MFGE8: variants seen among roughly 807,000 people sequenced by gnomAD.
The protein encoded by MFGE8 is milk fat globule EGF and factor V/VIII domain containing, also known as lactadherin.
MFGE8 carries 34 observed loss-of-function variants against 42.6 expected under a neutral mutation model. That is an observed-to-expected ratio of 0.80 (90% CI 0.61 to 1.06). MFGE8 has a LOEUF of 1.06. Among genes scored for constraint, MFGE8 ranks in the 50% least tolerant of loss-of-function variants. The pLI, the probability that MFGE8 is intolerant of heterozygous loss-of-function variation, is 0.00. For synonymous variants in MFGE8, 230 were observed against 214.8 expected, an observed-to-expected ratio of 1.07 and a Z score of -0.62; for missense variants, 510 against 516.9, an observed-to-expected ratio of 0.99 and a Z score of 0.13.
chr15:88,908,525 C>CT (rs1898805980), intron 2 of MFGE8, among the ~76,000 whole-genome samples: 1 of 152,182 alleles, frequency 6.6e-6, no homozygotes, highest in Admixed American at 6.5e-5. Flanking sequence ...GAAGGTCCCT[C>CT]TGAGGGCTTC....
intron 2 of MFGE8, among the ~76,000 whole-genome samples, chr15:88,908,981 C>T (rs1220808639): frequency 1.3e-5 from 2 of 152,198 alleles, no homozygotes; most frequent in Non-Finnish European, 1.5e-5. Flanking sequence ...CTGTCCCCTA[C>T]CCAAGATGCT....
intron 1 of MFGE8, among the ~76,000 whole-genome samples, chr15:88,911,316 ACT>A (rs1232944013): frequency 1.3e-5 from 2 of 152,082 alleles, no homozygotes; most frequent in East Asian, 3.9e-4. Flanking sequence ...CAATCCCTTG[ACT>A]CTGGTGGGTC....
At chr15:88,904,962 C>G (rs183515373) in intron 5 of MFGE8, 146 of 155,814 alleles carry the variant, frequency 9.4e-4, no homozygotes, top group Admixed American at 1.8e-3. Context: ...GAGAGAAATA[C>G]CCAGACCTCA....
intron 1 of MFGE8, chr15:88,912,646 G>T: frequency 2.0e-6 from 2 of 985,278 alleles, no homozygotes; most frequent in African/African-American, 3.5e-5. Context: ...GAGGGAGTCA[G>T]GAGACTCCCA....
rs3743389 is a variant in MFGE8 at position 88,905,649 on chromosome 15, T to C, written c.685+108A>G. The C allele has an allele frequency of 0.048, 72,578 of 1,498,572 alleles. 2,850 individuals are homozygous for C. Among genetic ancestry groups the C allele is most frequent in the East Asian group, 0.19 (8,387 of 44,044 alleles). The allele number at this position is 1,498,572 out of a possible 1,614,324, so 92.8% of individuals were successfully genotyped here. A position where few individuals can be genotyped will look rare whatever the true frequency, so the allele number is the denominator to read the frequency against. On this transcript the variant is annotated intron_variant, in intron 5 of 7. Coordinates refer to ENST00000268150, the MANE Select transcript of MFGE8 (RefSeq NM_005928.4). The surrounding 1 kb of genome is among the most constrained non-coding windows in gnomAD (Gnocchi z 6.6). Reference sequence around the variant, plus strand: ...CCGAGTGAAGCCTGGTCCCCGTGCCTTGTTGCTGCCCTACCTAGCTCAGTT... The same window carrying C: ...CCGAGTGAAGCCTGGTCCCCGTGCCCTGTTGCTGCCCTACCTAGCTCAGTT...
In MFGE8 at chr15:88,901,743, C is replaced by G; in HGVS notation, c.686-8G>C. ...CCAGGGGATTGGCGCATCCTGCCAG[C>G]AAGGTGGGCTGTCATCTGGATCTGG... is the stretch of plus-strand genomic sequence containing the variant. On this transcript the variant is annotated splice_region_variant and splice_polypyrimidine_tract_variant and intron_variant, in intron 5 of 7. Transcript: ENST00000268150. 1.2e-6 allele frequency: 2 copies of G among 1,613,884 alleles called. No homozygotes were observed. Among genetic ancestry groups the G allele is most frequent in the Non-Finnish European group, 1.7e-6 (2 of 1,179,942 alleles).
chr15:88,912,395 A>G, intron 1 of MFGE8: 1 of 985,180 alleles, frequency 1.0e-6, no homozygotes, highest in Non-Finnish European at 1.2e-6. Context: ...GGCAGATCAC[A>G]GGACATAGGG....
In MFGE8 at chr15:88,906,616, C is replaced by A. The variant is rs1190739567; in HGVS notation, c.540+10G>T. ...CCACAGCCCTTCTTTCGGGCCCCAA[C>A]AAGACCTACCTTGTGTTTTTTATTA... On this transcript the variant is annotated intron_variant, in intron 4 of 7. Transcript: ENST00000268150. This position sits in a 1 kb window ranked among gnomAD's most constrained non-coding sequence, Gnocchi z 4.2. 5.0e-6 allele frequency: 8 copies of A among 1,613,958 alleles called. No individual in the cohort carries two copies. In the South Asian group the frequency reaches 8.8e-5, roughly 18 times the overall value.
chr15:88,910,593 T>C (rs1365141046), intron 1 of MFGE8: 1 of 157,384 alleles, frequency 6.4e-6, no homozygotes, highest in Admixed American at 6.1e-5. Context: ...GAAGCCTGCA[T>C]GGACCGTCAC....
intron 6 of MFGE8, 59 bp downstream of exon 6, chr15:88,901,492 T>C: frequency 6.5e-7 from 1 of 1,532,632 alleles, no homozygotes; most frequent in South Asian, 1.1e-5. Context: ...GTCAAAGATC[T>C]GGCAGTCCCA....
intron 6 of MFGE8, among the ~76,000 whole-genome samples, chr15:88,901,336 TACAC>T (rs1312761218): frequency 2.2e-5 from 3 of 137,206 alleles, no homozygotes; most frequent in East Asian, 2.1e-4. Flanking sequence ...CACACACACA[TACAC>T]ACACACACCC....
In MFGE8 at chr15:88,899,940, T is replaced by C. The variant is rs1898282609; in HGVS notation, c.871-129A>G. On this transcript the variant is annotated intron_variant, in intron 6 of 7. Transcript: ENST00000268150. The surrounding 1 kb of genome is among the most constrained non-coding windows in gnomAD (Gnocchi z 6.8). ...TTGGGTGAGCCTCAGTTTCTTTGGC[T>C]ATAAAATGGGCATAAGGCCGGACAT... 1 of 1,126,388 alleles carries C rather than the reference T, an allele frequency of 8.9e-7. No homozygotes were observed. The allele number at this position is 1,126,388 out of a possible 1,614,324, so 69.8% of individuals were successfully genotyped here.
rs1433684651 is a variant in MFGE8 at position 88,899,766 on chromosome 15, C to T, written c.916G>A (p.Gly306Arg). The part of the protein sequence containing the change: ...SKEVTGIITQ[G>R]ARNFGSVQFV... ...TGGACAGAGCCAAAGTTACGGGCCC[C>T]CTGGGTGATGATGCCTGTCACCTCC... is the stretch of plus-strand genomic sequence containing the variant. The change falls in exon 7 of 8, where the codon GGG (glycine) becomes AGG (arginine). Residue 306 changes from glycine to arginine, a missense_variant. Gly to Arg is a moderately radical substitution (Grantham distance 125). Transcript: ENST00000268150. This position sits in a 1 kb window ranked among gnomAD's most constrained non-coding sequence, Gnocchi z 6.8. The T allele has an allele frequency of 6.2e-7, 1 of 1,614,098 alleles. No homozygotes were observed. Among genetic ancestry groups the T allele is most frequent in the Non-Finnish European group, 8.5e-7 (1 of 1,179,982 alleles).
chr15:88,910,990 TGAA>T (rs1286949608), intron 1 of MFGE8: 2 of 152,176 alleles, frequency 1.3e-5, no homozygotes, highest in Admixed American at 1.3e-4. Context: ...AATTGCGGGA[TGAA>T]GAAGGCTGAA....
chr15:88,904,648 G>A (rs1898582027), intron 5 of MFGE8: 1 of 152,232 alleles, frequency 6.6e-6, no homozygotes, highest in South Asian at 2.1e-4. Context: ...AGAAGGCAAA[G>A]TCTTATACTC....
At position 88,901,139 on chromosome 15, in the gene MFGE8, ACACACACATTCT is replaced by A. The variant is rs1268371245; in HGVS notation, c.870+400_870+411del. Among the ~76,000 whole-genome samples, 43 of 105,296 alleles carry A rather than the reference ACACACACATTCT, an allele frequency of 4.1e-4. 5 individuals carry two copies. Among genetic ancestry groups the A allele is most frequent in the African/African-American group, 1.3e-3 (40 of 29,762 alleles). The allele number at this position is 105,296 out of a possible 152,430, so 69.1% of individuals were successfully genotyped here. ...CATACACATTCACACACACACATTC[ACACACACATTCT>A]CACACACACATTCACACACATTCTC... On this transcript the variant is annotated intron_variant, in intron 6 of 7. Transcript: ENST00000268150.
rs753990164 is a variant in MFGE8 at position 88,899,560 on chromosome 15, C to G, written c.1027-28G>C. 3 of 1,614,102 alleles carry G rather than the reference C, an allele frequency of 1.9e-6. No homozygotes were observed. The highest frequency in any genetic ancestry group is 2.5e-6 in the Non-Finnish European group (3 of 1,180,018). The stretch of plus-strand genomic sequence containing the variant: ...AGAGGCAGAGCGGGTGTCAGGAGGA[C>G]CCCGAGCCAGCCCCCCTCCCCTCAG... On this transcript the variant is annotated intron_variant, in intron 7 of 7. Coordinates refer to ENST00000268150, the MANE Select transcript of MFGE8 (RefSeq NM_005928.4). This position sits in a 1 kb window ranked among gnomAD's most constrained non-coding sequence, Gnocchi z 6.8.
At position 88,899,824 on chromosome 15, in the gene MFGE8, C is replaced by T; in HGVS notation, c.871-13G>A. 1.2e-6 allele frequency: 2 copies of T among 1,613,858 alleles called. No individual in the cohort carries two copies. The highest frequency in any genetic ancestry group is 1.1e-5 in the South Asian group (1 of 91,048). ...AGCCCAGGTCCACCTACAGAAGAAACCAACCACATTTTCTCTGCTTGGACC... is the reference window on the plus strand; with the variant it reads ...AGCCCAGGTCCACCTACAGAAGAAATCAACCACATTTTCTCTGCTTGGACC... On this transcript the variant is annotated splice_polypyrimidine_tract_variant and intron_variant, in intron 6 of 7. Coordinates refer to ENST00000268150, the MANE Select transcript of MFGE8 (RefSeq NM_005928.4). This position sits in a 1 kb window ranked among gnomAD's most constrained non-coding sequence, Gnocchi z 6.8.
chr15:88,901,779 T>A (rs1898447773), intron 5 of MFGE8, 44 bp from the exon 6 acceptor site: 2 of 1,589,628 alleles, frequency 1.3e-6, no homozygotes, highest in Non-Finnish European at 1.7e-6. Context: ...GATCCACAGC[T>A]CCCAGGGGCA....
Sources: allele counts gnomAD v4.1 joint callset (sites outside exome capture counted in the v4.1 genomes callset), GRCh38; gene constraint gnomAD v4.1.1; non-coding constraint Gnocchi (gnomAD v3.1); transcripts MANE v1.5; gene names NCBI Gene and HGNC (gene_info 2026-07-23, HGNC 2026-07-21).